The following FBN1 variants were observed in gnomAD, a reference collection of about 807,000 sequenced individuals.
The protein encoded by FBN1 is fibrillin 1.
FBN1 carries 29 observed loss-of-function variants against 365.1 expected under a neutral mutation model. That is an observed-to-expected ratio of 0.08 (90% CI 0.06 to 0.11). The LOEUF (loss-of-function observed/expected upper bound fraction) is 0.11, where lower values mean the gene tolerates loss of function less well. Ranked by LOEUF, FBN1 falls within the 10% of genes least tolerant of loss-of-function variation. The pLI is 1.00. For synonymous variants in FBN1, 1,210 were observed against 1,270.5 expected, an observed-to-expected ratio of 0.95 and a Z score of 1.01; for missense variants, 2,476 against 3,703.2, an observed-to-expected ratio of 0.67 and a Z score of 8.60.
At chr15:48,510,596 C>A (rs984744874) in intron 13 of FBN1, among the ~76,000 whole-genome samples, 4 of 152,108 alleles carry the variant, frequency 2.6e-5, no homozygotes, top group Non-Finnish European at 5.9e-5. Flanking sequence ...AAACAATCAC[C>A]TTAATTCTGC....
At chr15:48,621,622 A>G (rs1279255176) in intron 2 of FBN1, among the ~76,000 whole-genome samples, 1 of 152,216 alleles carries the variant, frequency 6.6e-6, no homozygotes, top group Non-Finnish European at 1.5e-5. Flanking sequence ...GATTCTGAAC[A>G]TAAAAAGGAC....
intron 62 of FBN1, 143 bp from the exon 63 acceptor site, chr15:48,420,949 C>T (rs1381075212): frequency 3.3e-6 from 3 of 914,118 alleles, no homozygotes; most frequent in Admixed American, 2.1e-5. Context: ...TCTGGAACTG[C>T]TGCTAAGTCC....
intron 58 of FBN1, among the ~76,000 whole-genome samples, chr15:48,427,175 T>C (rs923458414): frequency 6.6e-6 from 1 of 152,242 alleles, no homozygotes; most frequent in Non-Finnish European, 1.5e-5. Flanking sequence ...ATACTTCTTT[T>C]ATGCAATACA....
intron 19 of FBN1, among the ~76,000 whole-genome samples, 187 bp downstream of exon 19, chr15:48,497,079 T>A (rs913142827): frequency 6.6e-6 from 1 of 152,222 alleles, no homozygotes; most frequent in Non-Finnish European, 1.5e-5. Context: ...TCGTTATTCA[T>A]AAACTGTGAA....
rs141158852 is a variant in FBN1, at chr15:48,619,360, G to C, written c.165-6268C>G. On this transcript the variant is annotated intron_variant, in intron 2 of 65. Coordinates refer to ENST00000316623, the MANE Select transcript of FBN1 (RefSeq NM_000138.5). Reference sequence around the variant, plus strand: ...ATAATAGATTTATTCTGGTTTTCAAGAGCTTTATCCCCTTCTTGCCTTCTC... The same window carrying C: ...ATAATAGATTTATTCTGGTTTTCAACAGCTTTATCCCCTTCTTGCCTTCTC... Among the ~76,000 whole-genome samples the C allele has an allele frequency of 3.2e-4, 49 of 152,156 alleles. 1 individual carries two copies. The East Asian group carries it at 5.8e-3, about 18-fold the overall frequency.
intron 22 of FBN1, among the ~76,000 whole-genome samples, chr15:48,494,819 T>G (rs1473979779): frequency 6.6e-6 from 1 of 152,156 alleles, no homozygotes; most frequent in Non-Finnish European, 1.5e-5. Context: ...TGAAAGATAA[T>G]CTGTACCTAT....
In FBN1 at chr15:48,606,932, G is replaced by A. The variant is rs954930783; in HGVS notation, c.346+3796C>T. 1.1e-4 allele frequency among the ~76,000 whole-genome samples: 16 copies of A among 152,088 alleles called. No individual in the cohort carries two copies. In the South Asian group the frequency reaches 1.7e-3, roughly 16 times the overall value. On this transcript the variant is annotated intron_variant, in intron 4 of 65. Transcript: ENST00000316623. ...ATCTCAGGAGTGGGTTGGTCATCTC[G>A]GGAGTTCAGCCCCATTTTCTGTCTG...
chr15:48,610,807 A>G lies in FBN1; in HGVS notation c.267T>C (p.Cys89=). The G allele has an allele frequency of 6.2e-7, 1 of 1,614,062 alleles. No homozygotes were observed. The highest frequency in any genetic ancestry group is 8.5e-7 in the Non-Finnish European group (1 of 1,179,932). The change falls in exon 4 of 66, where the codon TGT becomes TGC. Residue 89 remains cysteine (C), a synonymous_variant. Transcript: ENST00000316623. ...QCIVPICRHS[C]GDGFCSRPNM... ...TTGGCCTCGAACAAAATCCATCCCC[A>G]CAGGAATGCCGGCAAATGGCTGTGA...
At chr15:48,621,604 C>T (rs1201294786) in intron 2 of FBN1, among the ~76,000 whole-genome samples, 1 of 149,976 alleles carries the variant, frequency 6.7e-6, no homozygotes, top group Admixed American at 6.6e-5. Flanking sequence ...GTGTGGTATC[C>T]TAGATGGGAT....
intron 60 of FBN1, 123 bp downstream of exon 60, chr15:48,425,246 C>T (rs981876920): frequency 1.5e-6 from 2 of 1,352,928 alleles, no homozygotes; most frequent in Non-Finnish European, 2.1e-6. Context: ...AGGCATTAAC[C>T]CCAGGGAAGC....
intron 50 of FBN1, among the ~76,000 whole-genome samples, chr15:48,440,660 T>C (rs1462391317): frequency 6.6e-6 from 1 of 152,018 alleles, no homozygotes; most frequent in African/African-American, 2.4e-5. Flanking sequence ...ATCAGATCAT[T>C]AGAATAACAA....
chr15:48,490,073 G>A lies in FBN1; in HGVS notation c.2860C>T (p.Arg954Cys), dbSNP rs1555398835. Residue 954 changes from arginine (R) to cysteine (C), a missense_variant, in exon 25 of 66, where the codon CGC (arginine) becomes TGC (cysteine). Around this residue, in one of 5 missense-constraint regions of FBN1, gnomAD observed 1,780 missense variants for 2,840.8 expected, o/e 0.63. Coordinates refer to ENST00000316623, the MANE Select transcript of FBN1 (RefSeq NM_000138.5). The stretch of plus-strand genomic sequence containing the variant: ...TACCTCAGGAAGCAGGTTTCCAGGC[G>A]GATATCTGTCAGAGGGAATCAAGGG... ...DATGRICLDIRLETCFLRYED... is the reference protein window; with the variant it reads ...DATGRICLDICLETCFLRYED... 2 of 1,614,056 alleles carry A rather than the reference G, an allele frequency of 1.2e-6. No individual in the cohort carries two copies. The highest frequency in any genetic ancestry group is 8.5e-7 in the Non-Finnish European group (1 of 1,179,982).
At chr15:48,435,756 G>GTA (rs2043064480) in intron 53 of FBN1, among the ~76,000 whole-genome samples, 4 of 16,636 alleles carry the variant, frequency 2.4e-4, no homozygotes, top group African/African-American at 5.0e-4. Context: ...ATATATGTGT[G>GTA]TATATATATG....
chr15:48,453,289 AC>A (rs1353983815), intron 44 of FBN1, among the ~76,000 whole-genome samples: 230 of 85,606 alleles, frequency 2.7e-3, no homozygotes, highest in African/African-American at 0.01. Context: ...AAAAAATAAA[AC>A]AAACAAAAAA....
At chr15:48,576,388 C>T (rs1218675168) in intron 6 of FBN1, among the ~76,000 whole-genome samples, 1 of 150,088 alleles carries the variant, frequency 6.7e-6, no homozygotes, top group Non-Finnish European at 1.5e-5. Context: ...ATGTTTTTTT[C>T]CCCCTCTACT....
intron 53 of FBN1, among the ~76,000 whole-genome samples, chr15:48,435,828 C>A (rs982230517): frequency 3.5e-5 from 5 of 143,834 alleles, no homozygotes; most frequent in African/African-American, 1.3e-4. Context: ...GCCTTCTAAC[C>A]CATCCACCTA....
At chr15:48,476,873 C>T (rs1260399459) in intron 32 of FBN1, 1 of 151,296 alleles carries the variant, frequency 6.6e-6, no homozygotes, top group Non-Finnish European at 1.5e-5. Flanking sequence ...AGGTGATCCA[C>T]CCGCCTTGGC....
At chr15:48,454,581 G>T (rs531613419) in intron 44 of FBN1, among the ~76,000 whole-genome samples, 1 of 152,280 alleles carries the variant, frequency 6.6e-6, no homozygotes, top group South Asian at 2.1e-4. Flanking sequence ...TGCTCCAGTG[G>T]AACAATCTAA....
At chr15:48,511,321 C>T (rs1186058766) in intron 13 of FBN1, among the ~76,000 whole-genome samples, 1 of 152,110 alleles carries the variant, frequency 6.6e-6, no homozygotes, top group Admixed American at 6.6e-5. Context: ...GTGCCAACAA[C>T]CTACGATCTT....
Sources: gnomAD v4.1 joint callset for allele counts (sites outside exome capture counted in the v4.1 genomes callset) on GRCh38, gnomAD v4.1.1 for gene constraint, gnomAD v4.1.1 regional missense constraint, MANE v1.5 for transcripts, NCBI Gene and HGNC (gene_info 2026-07-23, HGNC 2026-07-21) for gene names.